PTPN9: variants seen among roughly 807,000 people sequenced by gnomAD.
PTPN9 encodes protein tyrosine phosphatase non-receptor type 9, also known as tyrosine-protein phosphatase non-receptor type 9.
PTPN9 carries 26 observed loss-of-function variants against 69.8 expected under a neutral mutation model. The ratio of observed to expected loss-of-function variants is 0.37; its 90% CI spans 0.27 to 0.52. The LOEUF is 0.52. Among genes scored for constraint, PTPN9 ranks in the 20% least tolerant of loss-of-function variants. The pLI, the probability that PTPN9 is intolerant of heterozygous loss-of-function variation, is 0.91. For missense variants in PTPN9, 549 were observed against 740.3 expected (o/e 0.74, Z 3.00); for synonymous variants, 274 against 272.5 (o/e 1.01, Z -0.05).
chr15:75,556,921 T>C (rs2075080472), intron 1 of PTPN9, among the ~76,000 whole-genome samples: 1 of 152,150 alleles, frequency 6.6e-6, no homozygotes, highest in Non-Finnish European at 1.5e-5. Context: ...CTATTGTAGG[T>C]ACCTCAAACA....
chr15:75,478,294 G>A (rs908273546), intron 9 of PTPN9, among the ~76,000 whole-genome samples: 8 of 151,660 alleles, frequency 5.3e-5, no homozygotes, highest in African/African-American at 1.7e-4. Flanking sequence ...TAGTAGAAAC[G>A]TGGTTTCTCC....
In PTPN9 at chr15:75,464,217, A is replaced by C. The variant is rs1231797355; in HGVS notation, c.*4552T>G. The stretch of plus-strand genomic sequence containing the variant: ...TCCTCTCACTTTGGGAGGCCGAGGC[A>C]GGAGGATTGCTTGAGGCTGGAGTTC... On this transcript the variant is annotated 3_prime_UTR_variant, in exon 13 of 13. Coordinates refer to ENST00000618819, the MANE Select transcript of PTPN9 (RefSeq NM_002833.4). 6.6e-6 allele frequency: 1 copy of C among 152,410 alleles called. No homozygotes were observed. Among genetic ancestry groups the C allele is most frequent in the Non-Finnish European group, 1.5e-5 (1 of 68,394 alleles). The allele number at this position is 152,410 out of a possible 1,614,324, so 9.4% of individuals were successfully genotyped here.
intron 8 of PTPN9, 86 bp downstream of exon 8, chr15:75,490,122 A>C (rs1428957889): frequency 4.7e-5 from 52 of 1,109,838 alleles, no homozygotes; most frequent in Non-Finnish European, 5.2e-5. Flanking sequence ...GTCTACTTTC[A>C]TTCTACCGAA....
intron 7 of PTPN9, among the ~76,000 whole-genome samples, chr15:75,494,959 G>A (rs993686541): frequency 3.9e-5 from 6 of 152,102 alleles, no homozygotes; most frequent in African/African-American, 1.2e-4. Flanking sequence ...AGAAGGTGGA[G>A]GTTGCGGTGA....
intron 1 of PTPN9, among the ~76,000 whole-genome samples, chr15:75,558,231 G>A (rs1255799137): frequency 2.5e-4 from 38 of 152,172 alleles, no homozygotes; most frequent in Non-Finnish European, 7.3e-5. Flanking sequence ...AGGAGCCTGA[G>A]GCAGGAGAAC....
At chr15:75,510,151 A>G (rs1015934070) in intron 5 of PTPN9, among the ~76,000 whole-genome samples, 1 of 152,234 alleles carries the variant, frequency 6.6e-6, no homozygotes, top group Non-Finnish European at 1.5e-5. Context: ...ATCTAAAAAA[A>G]GGAGATATCC....
At chr15:75,473,091 A>G (rs562008255) in intron 10 of PTPN9, among the ~76,000 whole-genome samples, 1 of 152,274 alleles carries the variant, frequency 6.6e-6, no homozygotes, top group African/African-American at 2.4e-5. Context: ...CCTTTAGTGG[A>G]TAAGGCCAGG....
intron 7 of PTPN9, among the ~76,000 whole-genome samples, chr15:75,503,447 C>T (rs2074786712): frequency 6.8e-6 from 1 of 146,526 alleles, no homozygotes; most frequent in Non-Finnish European, 1.5e-5. Flanking sequence ...CGGCAGCCGC[C>T]CCGTCTGAGA....
chr15:75,505,987 G>T lies in PTPN9; in HGVS notation c.656C>A (p.Thr219Lys), dbSNP rs1441610912. 1 of 1,611,370 alleles carries T rather than the reference G, an allele frequency of 6.2e-7. No individual in the cohort carries two copies. Among genetic ancestry groups the T allele is most frequent in the African/African-American group, 1.3e-5 (1 of 74,846 alleles). ...KVRERIQILK[T>K]SEVTQHLPRE... ...GGGCAGATGCTGCGTGACCTCAGAT[G>T]TCTTTAATATTTGAATCTGGAAGGT... Residue 219 changes from threonine (T) to lysine (K), a missense_variant, in exon 7 of 13, where the codon ACA (threonine) becomes AAA (lysine). By Grantham distance (78) the Thr-to-Lys change is moderately conservative. This residue lies in a region of PTPN9 where 457 missense variants were observed against 661.9 expected (regional missense o/e 0.69). Coordinates refer to ENST00000618819, the MANE Select transcript of PTPN9 (RefSeq NM_002833.4).
chr15:75,555,241 C>G (rs1392752788), intron 1 of PTPN9, among the ~76,000 whole-genome samples: 1 of 152,068 alleles, frequency 6.6e-6, no homozygotes, highest in Non-Finnish European at 1.5e-5. Flanking sequence ...TGCTTCTATA[C>G]CTAGTTCCAG....
rs1314935943 is a variant in PTPN9 at position 75,481,854 on chromosome 15, T to C, written c.1063-1940A>G. 1.1e-4 allele frequency among the ~76,000 whole-genome samples: 14 copies of C among 132,384 alleles called. No homozygotes were observed. In the East Asian group the frequency reaches 2.6e-3, roughly 24 times the overall value. The allele number at this position is 132,384 out of a possible 152,430, so 86.8% of individuals were successfully genotyped here. A position where few individuals can be genotyped will look rare whatever the true frequency, so the allele number is the denominator to read the frequency against. ...GTGGGGGGGGGTCAGCGCCCCTGCC[T>C]GGCCAGCCGCCCCTCCGGGAGGTGA... is the stretch of plus-strand genomic sequence containing the variant. On this transcript the variant is annotated intron_variant, in intron 8 of 12. Coordinates refer to ENST00000618819, the MANE Select transcript of PTPN9 (RefSeq NM_002833.4).
intron 8 of PTPN9, among the ~76,000 whole-genome samples, chr15:75,489,038 G>A (rs1261600293): frequency 6.6e-6 from 1 of 151,696 alleles, no homozygotes; most frequent in African/African-American, 2.4e-5. Flanking sequence ...AGCCGGGCGT[G>A]GTGGTGGGCA....
intron 8 of PTPN9, among the ~76,000 whole-genome samples, chr15:75,480,242 A>G (rs1380289150): frequency 6.6e-6 from 1 of 152,182 alleles, no homozygotes; most frequent in Admixed American, 6.5e-5. Flanking sequence ...GGGTTAGGCA[A>G]AGCTTTCACA....
intron 8 of PTPN9, chr15:75,487,407 G>A (rs905054692): frequency 4.0e-5 from 6 of 151,470 alleles, no homozygotes; most frequent in African/African-American, 9.7e-5. Context: ...TAAAGCCTCC[G>A]CTAATGTTTC....
chr15:75,472,528 C>A (rs977044129), intron 10 of PTPN9, among the ~76,000 whole-genome samples: 1 of 151,772 alleles, frequency 6.6e-6, no homozygotes, highest in Non-Finnish European at 1.5e-5. Context: ...GGCGCAGTGG[C>A]CCACGCTTGT....
intron 6 of PTPN9, among the ~76,000 whole-genome samples, chr15:75,507,517 A>G (rs1026752743): frequency 6.6e-6 from 1 of 151,896 alleles, no homozygotes; most frequent in Non-Finnish European, 1.5e-5. Context: ...CTGTAATCCC[A>G]GCACTTTTGG....
At chr15:75,548,652 AT>A (rs540489248) in intron 1 of PTPN9, among the ~76,000 whole-genome samples, 1,493 of 133,838 alleles carry the variant, frequency 0.011, 10 homozygotes, top group African/African-American at 0.03. Flanking sequence ...ACAAGGGGAA[AT>A]TTTTTTTTTT....
chr15:75,469,646 T>A (rs1399172095), intron 12 of PTPN9, 146 bp downstream of exon 12: 2 of 859,762 alleles, frequency 2.3e-6, no homozygotes, highest in Non-Finnish European at 3.7e-6. Context: ...CAAAAGGACA[T>A]TAGATGAGGG....
intron 5 of PTPN9, among the ~76,000 whole-genome samples, chr15:75,509,325 T>C (rs938788069): frequency 6.6e-6 from 1 of 152,204 alleles, no homozygotes; most frequent in Non-Finnish European, 1.5e-5. Flanking sequence ...TCAGCATACA[T>C]ATATGCCTCT....
Sources: allele counts gnomAD v4.1 joint callset (sites outside exome capture counted in the v4.1 genomes callset), GRCh38; gene constraint gnomAD v4.1.1; regional missense constraint gnomAD v4.1.1; transcripts MANE v1.5; gene names NCBI Gene and HGNC (gene_info 2026-07-23, HGNC 2026-07-21).